ARB2A: variants seen among roughly 807,000 people sequenced by gnomAD.
The protein encoded by ARB2A is ARB2 cotranscriptional regulator A.
chr5:93,805,146 A>G, the ARB2A span: 14 of 983,590 alleles, frequency 1.4e-5, no homozygotes, highest in Non-Finnish European at 1.7e-5. Flanking sequence ...CAAACATGGT[A>G]ACTTCTAGAA....
At chr5:93,701,212 C>T in the ARB2A span, among the ~76,000 whole-genome samples, 1 of 152,102 alleles carries the variant, frequency 6.6e-6, no homozygotes, top group Non-Finnish European at 1.5e-5. Context: ...CTTCTTTTTA[C>T]TGTTATTTTG....
the ARB2A span, among the ~76,000 whole-genome samples, chr5:93,725,708 A>C: frequency 6.6e-6 from 1 of 152,122 alleles, no homozygotes; most frequent in Non-Finnish European, 1.5e-5. Context: ...AAGTATGATC[A>C]AGACAGAAAT....
chr5:93,841,718 T>A, the ARB2A span, among the ~76,000 whole-genome samples: 1 of 152,204 alleles, frequency 6.6e-6, no homozygotes. Flanking sequence ...TATATAACCC[T>A]GTTAAAACAC....
chr5:93,903,111 C>T, the ARB2A span, among the ~76,000 whole-genome samples: 1,905 of 152,112 alleles, frequency 0.013, 45 homozygotes, highest in African/African-American at 0.043. Flanking sequence ...CACCTCCTGG[C>T]AATTTTGACA....
the ARB2A span, among the ~76,000 whole-genome samples, chr5:93,762,394 C>T: frequency 1.3e-5 from 2 of 152,268 alleles, no homozygotes; most frequent in East Asian, 1.9e-4. Flanking sequence ...ATGAGAACTA[C>T]GTGACGAATG....
At chr5:94,029,263 A>G in the ARB2A span, among the ~76,000 whole-genome samples, 1 of 152,208 alleles carries the variant, frequency 6.6e-6, no homozygotes, top group African/African-American at 2.4e-5. Context: ...AGGTGCCTAG[A>G]TTACAGGTGT....
the ARB2A span, among the ~76,000 whole-genome samples, chr5:93,628,708 T>A: frequency 6.6e-6 from 1 of 152,324 alleles, no homozygotes; most frequent in Non-Finnish European, 1.5e-5. Context: ...TGAACCAACC[T>A]CTTCTGAAGT....
At chr5:93,809,950 G>A in the ARB2A span, among the ~76,000 whole-genome samples, 1 of 151,992 alleles carries the variant, frequency 6.6e-6, no homozygotes, top group Non-Finnish European at 1.5e-5. Flanking sequence ...TATTTGATAT[G>A]TACTGACATT....
chr5:94,068,446 A>T, the ARB2A span, among the ~76,000 whole-genome samples: 1 of 152,228 alleles, frequency 6.6e-6, no homozygotes, highest in Admixed American at 6.5e-5. Context: ...GCAGTAACAA[A>T]CATGGACCAG....
the ARB2A span, among the ~76,000 whole-genome samples, chr5:93,630,612 G>C: frequency 1.3e-5 from 2 of 152,120 alleles, no homozygotes; most frequent in Non-Finnish European, 2.9e-5. Context: ...TGGTACAAGA[G>C]GGCGTAGTGG....
the ARB2A span, among the ~76,000 whole-genome samples, chr5:93,864,889 T>C: frequency 1.3e-5 from 2 of 152,206 alleles, no homozygotes; most frequent in Admixed American, 6.5e-5. Context: ...CTCCCTGTTA[T>C]ATACTGTGAG....
the ARB2A span, chr5:93,776,019 A>G: frequency 1.5e-6 from 1 of 680,804 alleles, no homozygotes; most frequent in Non-Finnish European, 2.5e-6. Flanking sequence ...GATTCTACCC[A>G]TGCATAACAT....
chr5:93,954,760 C>T, the ARB2A span, among the ~76,000 whole-genome samples: 1 of 152,110 alleles, frequency 6.6e-6, no homozygotes, highest in Non-Finnish European at 1.5e-5. Context: ...CCTACACTGC[C>T]TTTCAAGTTT....
At chr5:94,082,860 C>T in the ARB2A span, among the ~76,000 whole-genome samples, 2 of 151,964 alleles carry the variant, frequency 1.3e-5, no homozygotes, top group East Asian at 3.9e-4. Context: ...AATATCTGAT[C>T]TTAAAAAAAG....
the ARB2A span, among the ~76,000 whole-genome samples, chr5:93,932,716 T>G: frequency 6.6e-6 from 1 of 152,190 alleles, no homozygotes; most frequent in Admixed American, 6.5e-5. Flanking sequence ...TGGTCTAGAG[T>G]TTGTTTAACA....
chr5:94,100,468 TC>T, the ARB2A span, among the ~76,000 whole-genome samples: 6 of 151,766 alleles, frequency 4.0e-5, no homozygotes, highest in African/African-American at 1.5e-4. Context: ...AAAAAAGAGC[TC>T]AAATAGCCAA....
chr5:93,876,235 T>C, the ARB2A span, among the ~76,000 whole-genome samples: 6 of 152,320 alleles, frequency 3.9e-5, no homozygotes, highest in South Asian at 1.0e-3. Context: ...TACCACTAAA[T>C]TGATGACATT....
chr5:93,765,272 A>T, the ARB2A span, among the ~76,000 whole-genome samples: 1 of 152,214 alleles, frequency 6.6e-6, no homozygotes, highest in Non-Finnish European at 1.5e-5. Context: ...TTTGCAGACG[A>T]CGTGATTGTA....
chr5:93,811,151 T>C, the ARB2A span, among the ~76,000 whole-genome samples: 1 of 152,046 alleles, frequency 6.6e-6, no homozygotes, highest in Non-Finnish European at 1.5e-5. Context: ...TTCGATTTAG[T>C]TGGTATTAGA....
Sources: gnomAD v4.1 joint callset for allele counts (sites outside exome capture counted in the v4.1 genomes callset) on GRCh38, gnomAD v4.1.1 for gene constraint, MANE v1.5 for transcripts, NCBI Gene and HGNC (gene_info 2026-07-23, HGNC 2026-07-21) for gene names.